ETV6: variants seen among roughly 807,000 people sequenced by gnomAD.
The protein encoded by ETV6 is ETS variant transcription factor 6.
A neutral mutation model predicts 51.1 loss-of-function variants in ETV6; 16 were observed. That is an observed-to-expected ratio of 0.31 (90% CI 0.21 to 0.48). The LOEUF (loss-of-function observed/expected upper bound fraction) is 0.48. ETV6 is among the 20% of genes least tolerant of loss of function. ETV6 has a pLI of 0.99. For missense variants in ETV6, 458 were observed against 594.8 expected (o/e 0.77, Z 2.39); for synonymous variants, 240 against 224.1 (o/e 1.07, Z -0.64).
intron 1 of ETV6, among the ~76,000 whole-genome samples, chr12:11,700,453 A>C (rs1266731126): frequency 6.6e-6 from 1 of 152,174 alleles, no homozygotes; most frequent in Non-Finnish European, 1.5e-5. Flanking sequence ...GCTCCTGCTT[A>C]TAAGTGAGAA....
In ETV6 at chr12:11,895,077, C is replaced by A. The variant is rs1475850979; in HGVS notation, c.*4031C>A. On this transcript the variant is annotated 3_prime_UTR_variant, in exon 8 of 8. Transcript: ENST00000396373. ...CTAACCTGATACTCTTTTGACCCAA[C>A]TGCATCAACACTAAACAGCTGCAGA... 4.3e-6 allele frequency: 1 copy of A among 233,452 alleles called. No individual in the cohort carries two copies. The highest frequency in any genetic ancestry group is 2.2e-5 in the African/African-American group (1 of 45,320). 14.5% of individuals were successfully genotyped at this position (233,452 alleles called of 1,614,324 possible). A position where few individuals can be genotyped will look rare whatever the true frequency, so the allele number is the denominator to read the frequency against.
At chr12:11,689,642 A>G (rs1864709705) in intron 1 of ETV6, among the ~76,000 whole-genome samples, 1 of 151,894 alleles carries the variant, frequency 6.6e-6, no homozygotes, top group Non-Finnish European at 1.5e-5. Context: ...GCTGGCATCA[A>G]CTGAAATTTC....
At chr12:11,859,119 GTTTTTTTTTTTTTT>G (rs71057773) in intron 4 of ETV6, among the ~76,000 whole-genome samples, 1 of 66,096 alleles carries the variant, frequency 1.5e-5, no homozygotes, top group African/African-American at 6.2e-5. Flanking sequence ...TATGAATCTG[GTTTTTTTTTTTTTT>G]TTTTTTTTTT....
intron 2 of ETV6, among the ~76,000 whole-genome samples, chr12:11,812,110 GATAT>G (rs1432144376): frequency 1.3e-5 from 2 of 152,126 alleles, no homozygotes; most frequent in Non-Finnish European, 2.9e-5. Flanking sequence ...CATGTAATAA[GATAT>G]TTATTAGGAG....
chr12:11,682,532 A>T (rs996858904), intron 1 of ETV6, among the ~76,000 whole-genome samples: 16 of 152,064 alleles, frequency 1.1e-4, no homozygotes, highest in African/African-American at 3.9e-4. Flanking sequence ...CACTCTAATG[A>T]TAGTTTCTTT....
In ETV6 at chr12:11,869,257, A is replaced by G. The variant is rs998668826; in HGVS notation, c.464-167A>G. Among the ~76,000 whole-genome samples, 7 of 147,406 alleles carry G rather than the reference A, an allele frequency of 4.7e-5. No individual in the cohort carries two copies. The highest frequency in any genetic ancestry group is 1.5e-4 in the African/African-American group (6 of 40,138). ...TCTCAAACAGAAAAAAAAAAAAAAT[A>G]TGCACCCTTCAAATTGTTAAGCAGT... On this transcript the variant is annotated intron_variant, in intron 4 of 7. Transcript: ENST00000396373. This position sits in a 1 kb window ranked among gnomAD's most constrained non-coding sequence, Gnocchi z 5.0.
intron 2 of ETV6, among the ~76,000 whole-genome samples, chr12:11,775,430 A>C (rs530841438): frequency 6.6e-6 from 1 of 152,406 alleles, no homozygotes; most frequent in African/African-American, 2.4e-5. Flanking sequence ...AGTCAAATAC[A>C]GACACTGCTG....
intron 1 of ETV6, among the ~76,000 whole-genome samples, chr12:11,681,504 C>A (rs1191257395): frequency 6.6e-6 from 1 of 152,050 alleles, no homozygotes; most frequent in Non-Finnish European, 1.5e-5. Context: ...TAAGGTCTTT[C>A]AGACCACAAT....
intron 2 of ETV6, among the ~76,000 whole-genome samples, chr12:11,770,700 C>A (rs1945230771): frequency 6.6e-6 from 1 of 152,132 alleles, no homozygotes; most frequent in South Asian, 2.1e-4. Flanking sequence ...CTTTTTGATG[C>A]TTGAGAAAGA....
At chr12:11,809,241 TAAG>T (rs1447169191) in intron 2 of ETV6, among the ~76,000 whole-genome samples, 5 of 142,452 alleles carry the variant, frequency 3.5e-5, no homozygotes, top group Admixed American at 1.4e-4. Context: ...AAAAAAAGGA[TAAG>T]AAGGAGGAAG....
intron 2 of ETV6, among the ~76,000 whole-genome samples, chr12:11,809,634 T>C (rs78358739): frequency 6.6e-6 from 1 of 152,206 alleles, no homozygotes; most frequent in East Asian, 1.9e-4. Context: ...AAACCAGCTT[T>C]TTATTCGTAG....
intron 2 of ETV6, among the ~76,000 whole-genome samples, chr12:11,762,857 G>A (rs1945109299): frequency 6.6e-6 from 1 of 152,120 alleles, no homozygotes; most frequent in African/African-American, 2.4e-5. Flanking sequence ...GCTGATGAGG[G>A]GTTTTATTTT....
chr12:11,887,816 C>T lies in ETV6; in HGVS notation c.1253+1790C>T, dbSNP rs539273501. Among the ~76,000 whole-genome samples the T allele has an allele frequency of 2.5e-4, 38 of 152,064 alleles. No homozygotes were observed. The East Asian group carries it at 6.8e-3, about 27-fold the overall frequency. On this transcript the variant is annotated intron_variant, in intron 7 of 7. Coordinates refer to ENST00000396373, the MANE Select transcript of ETV6 (RefSeq NM_001987.5). ...TGAATTCTTTACTCATCAGGGGCAT[C>T]ACTGCTGTTTGAAGCAGCCAACTTT... is the stretch of plus-strand genomic sequence containing the variant.
intron 2 of ETV6, among the ~76,000 whole-genome samples, chr12:11,825,163 A>G (rs1402952858): frequency 1.3e-5 from 2 of 152,228 alleles, no homozygotes; most frequent in Admixed American, 6.5e-5. Context: ...GGCAAACACA[A>G]CATCAATCAG....
chr12:11,729,182 G>A (rs775879730), intron 1 of ETV6, among the ~76,000 whole-genome samples: 1 of 152,344 alleles, frequency 6.6e-6, no homozygotes, highest in Admixed American at 6.5e-5. Context: ...GCTCAGGCAG[G>A]TAAGATCTGC....
intron 2 of ETV6, among the ~76,000 whole-genome samples, chr12:11,798,987 G>A (rs1194995721): frequency 6.6e-6 from 1 of 152,230 alleles, no homozygotes; most frequent in Non-Finnish European, 1.5e-5. Flanking sequence ...ATGTATGTGA[G>A]TGATAAACGC....
chr12:11,838,424 C>G (rs140250024), intron 2 of ETV6, among the ~76,000 whole-genome samples: 4 of 152,306 alleles, frequency 2.6e-5, no homozygotes, highest in Non-Finnish European at 2.9e-5. Flanking sequence ...CTCTGTACCC[C>G]CCTCCTGCCC....
At chr12:11,765,623 A>G (rs1158377034) in intron 2 of ETV6, among the ~76,000 whole-genome samples, 2 of 151,944 alleles carry the variant, frequency 1.3e-5, no homozygotes, top group Admixed American at 6.6e-5. Flanking sequence ...ACCATTCACA[A>G]TATGTCTGAG....
chr12:11,760,302 A>T (rs1945065934), intron 2 of ETV6, among the ~76,000 whole-genome samples: 1 of 152,162 alleles, frequency 6.6e-6, no homozygotes, highest in South Asian at 2.1e-4. Context: ...TAGCTCTCAA[A>T]TGGGGCTGTA....
Sources: gnomAD v4.1 joint callset for allele counts (sites outside exome capture counted in the v4.1 genomes callset) on GRCh38, gnomAD v4.1.1 for gene constraint, Gnocchi (gnomAD v3.1) non-coding constraint, MANE v1.5 for transcripts, NCBI Gene and HGNC (gene_info 2026-07-23, HGNC 2026-07-21) for gene names.